The following TK2 variants were observed in gnomAD, a reference collection of about 807,000 sequenced individuals.
TK2 encodes thymidine kinase 2.
Under a neutral mutation model 41.9 loss-of-function variants are expected in TK2, and 35 were observed. The ratio of observed to expected loss-of-function variants is 0.84; its 90% CI spans 0.64 to 1.11. TK2 has a LOEUF of 1.11. Ranked by LOEUF, TK2 falls within the 50% of genes least tolerant of loss-of-function variation. The pLI, the probability that TK2 is intolerant of heterozygous loss-of-function variation, is 0.00. For synonymous variants in TK2, 128 were observed against 129.1 expected (o/e 0.99, Z 0.06); for missense variants, 320 against 351.1 (o/e 0.91, Z 0.71).
chr16:66,533,146 C>G (rs555977667), intron 4 of TK2, among the ~76,000 whole-genome samples: 1 of 151,002 alleles, frequency 6.6e-6, no homozygotes, highest in Non-Finnish European at 1.5e-5. Flanking sequence ...CTCAGCTCAC[C>G]GCAACCTCTA....
In TK2 at chr16:66,510,271, G is replaced by A. The variant is rs1468035339; in HGVS notation, c.*1697C>T. Reference sequence around the variant, plus strand: ...TTCCCCAAAAATGGATGTGCAAAATGAGCCGAGAGGAAATATTGGACTGTT... The same window carrying A: ...TTCCCCAAAAATGGATGTGCAAAATAAGCCGAGAGGAAATATTGGACTGTT... On this transcript the variant is annotated 3_prime_UTR_variant, in exon 10 of 10. Transcript: ENST00000544898. The A allele has an allele frequency of 1.3e-5, 2 of 150,000 alleles. No individual in the cohort carries two copies. Among genetic ancestry groups the A allele is most frequent in the Non-Finnish European group, 3.0e-5 (2 of 67,642 alleles). 9.3% of individuals were successfully genotyped at this position (150,000 alleles called of 1,614,324 possible).
intron 4 of TK2, among the ~76,000 whole-genome samples, chr16:66,534,385 C>T (rs1965214387): frequency 6.6e-6 from 1 of 152,218 alleles, no homozygotes; most frequent in African/African-American, 2.4e-5. Context: ...GTTCTCTATC[C>T]AGCCACAAGA....
chr16:66,518,292 T>C (rs1049708206), intron 6 of TK2: 6 of 252,200 alleles, frequency 2.4e-5, no homozygotes, highest in African/African-American at 1.1e-4. Context: ...TTTGGGAGGG[T>C]GAGGTGGGAG....
intron 2 of TK2, among the ~76,000 whole-genome samples, chr16:66,547,511 T>G (rs1405642546): frequency 6.6e-6 from 1 of 152,100 alleles, no homozygotes; most frequent in Non-Finnish European, 1.5e-5. Flanking sequence ...TTCTGTGACT[T>G]GTACCTGTTC....
chr16:66,535,791 T>C (rs1965258475), intron 4 of TK2, among the ~76,000 whole-genome samples: 1 of 152,214 alleles, frequency 6.6e-6, no homozygotes, highest in South Asian at 2.1e-4. Context: ...CCCTACTAAG[T>C]GCTAGGCAGT....
intron 5 of TK2, 54 bp downstream of exon 5, chr16:66,531,326 C>A: frequency 6.4e-7 from 1 of 1,569,656 alleles, no homozygotes. Flanking sequence ...AATCACATAC[C>A]CCAAGTCTGA....
At chr16:66,531,575 T>G (rs773061274) in intron 4 of TK2, 106 bp from the exon 5 acceptor site, 39 of 1,091,144 alleles carry the variant, frequency 3.6e-5, no homozygotes, top group Non-Finnish European at 5.2e-5. Context: ...ACAGGCAGGG[T>G]TGGGGCTGGA....
intron 2 of TK2, among the ~76,000 whole-genome samples, chr16:66,546,963 G>A (rs1309032770): frequency 6.6e-6 from 1 of 151,954 alleles, no homozygotes; most frequent in East Asian, 1.9e-4. Flanking sequence ...ATGTTGCCCA[G>A]GCTGGTCTCA....
chr16:66,511,373 C>T lies in TK2; in HGVS notation c.*595G>A, dbSNP rs886052209. On this transcript the variant is annotated 3_prime_UTR_variant, in exon 10 of 10. Transcript: ENST00000544898. ...AATATTGGGAAAATGTTATCAGCTCCGCACACTGCCAGCTCTCCCCAAAGA... is the reference window on the plus strand; with the variant it reads ...AATATTGGGAAAATGTTATCAGCTCTGCACACTGCCAGCTCTCCCCAAAGA... 4.6e-4 allele frequency: 84 copies of T among 183,540 alleles called. No homozygotes were observed. The highest frequency in any genetic ancestry group is 2.0e-4 in the Non-Finnish European group (17 of 86,254). 11.4% of individuals were successfully genotyped at this position (183,540 alleles called of 1,614,324 possible). A position where few individuals can be genotyped will look rare whatever the true frequency, so the allele number is the denominator to read the frequency against.
At chr16:66,524,486 C>T (rs1369154726) in intron 6 of TK2, among the ~76,000 whole-genome samples, 2 of 152,258 alleles carry the variant, frequency 1.3e-5, no homozygotes, top group East Asian at 1.9e-4. Context: ...CAGATGTGCA[C>T]CACCAGGCCC....
Position 66,511,260 on chromosome 16 carries a change from C to G in TK2, c.*708G>C, listed in dbSNP as rs1964441994. 1 of 155,224 alleles carries G rather than the reference C, an allele frequency of 6.4e-6. No individual in the cohort carries two copies. Among genetic ancestry groups the G allele is most frequent in the African/African-American group, 2.4e-5 (1 of 41,456 alleles). 9.6% of individuals were successfully genotyped at this position (155,224 alleles called of 1,614,324 possible). A position where few individuals can be genotyped will look rare whatever the true frequency, so the allele number is the denominator to read the frequency against. ...TAGATGGGGCTGCAGCGACCTCGGGCAGGGAAACCACTGAACACCGGGCTC... is the reference window on the plus strand; with the variant it reads ...TAGATGGGGCTGCAGCGACCTCGGGGAGGGAAACCACTGAACACCGGGCTC... On this transcript the variant is annotated 3_prime_UTR_variant, in exon 10 of 10. Coordinates refer to ENST00000544898, the MANE Select transcript of TK2 (RefSeq NM_004614.5).
At chr16:66,539,376 A>G (rs2144447694) in intron 3 of TK2, among the ~76,000 whole-genome samples, 1 of 152,276 alleles carries the variant, frequency 6.6e-6, no homozygotes, top group African/African-American at 2.4e-5. Flanking sequence ...AGGTGGGTGG[A>G]TCACTTGAGG....
At chr16:66,518,422 C>T (rs115719714) in intron 6 of TK2, among the ~76,000 whole-genome samples, 8,194 of 152,068 alleles carry the variant, frequency 0.054, 320 homozygotes, top group South Asian at 0.18. Context: ...CCTAGCTACT[C>T]GGGAAACTGA....
At chr16:66,536,636 G>A (rs561529500) in intron 4 of TK2, among the ~76,000 whole-genome samples, 64 of 152,148 alleles carry the variant, frequency 4.2e-4, no homozygotes, top group South Asian at 1.5e-3. Context: ...GAGAAGTCCC[G>A]GGTTCTGATA....
chr16:66,546,166 G>C (rs2144481585), intron 2 of TK2, among the ~76,000 whole-genome samples: 1 of 152,276 alleles, frequency 6.6e-6, no homozygotes, highest in East Asian at 1.9e-4. Flanking sequence ...GGAAGTCAAG[G>C]CTGCAGTAAG....
At chr16:66,533,228 C>T (rs1965172232) in intron 4 of TK2, among the ~76,000 whole-genome samples, 1 of 151,260 alleles carries the variant, frequency 6.6e-6, no homozygotes, top group Admixed American at 6.6e-5. Context: ...CACCACCACA[C>T]CCAGCTAAAT....
intron 6 of TK2, among the ~76,000 whole-genome samples, chr16:66,526,924 T>G (rs1016581214): frequency 2.0e-5 from 3 of 152,208 alleles, no homozygotes; most frequent in Admixed American, 2.0e-4. Flanking sequence ...CTCGCTCTGT[T>G]GCCCAGGCTG....
At chr16:66,516,147 TGCTG>T (rs1406417806) in intron 8 of TK2, among the ~76,000 whole-genome samples, 3 of 141,106 alleles carry the variant, frequency 2.1e-5, no homozygotes, top group Non-Finnish European at 4.6e-5. Flanking sequence ...AGTGTCAGTA[TGCTG>T]TCCTAAGGCC....
Position 66,550,020 on chromosome 16 carries a change from C to T in TK2, c.42G>A (p.Leu14=). The change falls in exon 1 of 10, where the codon CTG becomes CTA. Residue 14 remains leucine (L), a synonymous_variant. Coordinates refer to ENST00000544898, the MANE Select transcript of TK2 (RefSeq NM_004614.5). ...CGCGACTTCCCGGCCCAAAGCAGCG[C>T]AGCGCCCGGGCGGCCCAGCCCCGCA... is the stretch of plus-strand genomic sequence containing the variant. ...WPLRGWAARA[L]RCFGPGSRGS... is the part of the protein sequence containing the mutation. The T allele has an allele frequency of 6.5e-7, 1 of 1,547,060 alleles. No individual in the cohort carries two copies. The highest frequency in any genetic ancestry group is 8.7e-7 in the Non-Finnish European group (1 of 1,147,146).
Sources: gnomAD v4.1 joint callset for allele counts (sites outside exome capture counted in the v4.1 genomes callset) on GRCh38, gnomAD v4.1.1 for gene constraint, MANE v1.5 for transcripts, NCBI Gene and HGNC (gene_info 2026-07-23, HGNC 2026-07-21) for gene names.